CSMD1: variants seen among roughly 807,000 people sequenced by gnomAD.
CSMD1 encodes CUB and Sushi multiple domains 1, also known as CUB and sushi domain-containing protein 1.
A neutral mutation model predicts 417.5 loss-of-function variants in CSMD1; 213 were observed. The observed-to-expected ratio is 0.51, with a 90% CI of 0.46 to 0.57. The LOEUF is 0.57. CSMD1 is among the 20% of genes least tolerant of loss of function. The pLI is 0.00. For synonymous variants in CSMD1, 2,862 were observed against 1,736.8 expected (o/e 1.65, Z -16.11); for missense variants, 6,923 against 4,529.7 (o/e 1.53, Z -15.17).
intron 2 of CSMD1, among the ~76,000 whole-genome samples, chr8:4,559,591 C>G (rs148946985): frequency 6.6e-6 from 1 of 152,238 alleles, no homozygotes; most frequent in East Asian, 1.9e-4. Context: ...TACATAATTA[C>G]CCCAATGTTG....
intron 50 of CSMD1, among the ~76,000 whole-genome samples, chr8:3,051,600 G>GT (rs970497275): frequency 4.0e-4 from 60 of 151,554 alleles, no homozygotes; most frequent in African/African-American, 1.3e-3. Flanking sequence ...CTAAAATAAA[G>GT]TTTTTTTTTA....
intron 5 of CSMD1, among the ~76,000 whole-genome samples, chr8:3,793,743 G>C (rs1445975749): frequency 6.6e-6 from 1 of 152,004 alleles, no homozygotes; most frequent in Non-Finnish European, 1.5e-5. Context: ...ATTTTCGTAG[G>C]ATCTCTCTGG....
chr8:4,813,173 C>CA (rs1744405263), intron 1 of CSMD1, among the ~76,000 whole-genome samples: 1 of 152,182 alleles, frequency 6.6e-6, no homozygotes, highest in South Asian at 2.1e-4. Context: ...CTAATGCATA[C>CA]ACTAAACGAA....
At chr8:4,121,924 C>G (rs948772662) in intron 3 of CSMD1, among the ~76,000 whole-genome samples, 1 of 151,900 alleles carries the variant, frequency 6.6e-6, no homozygotes, top group Non-Finnish European at 1.5e-5. Flanking sequence ...ACATCACACT[C>G]CCTGATTTTA....
intron 21 of CSMD1, among the ~76,000 whole-genome samples, chr8:3,350,179 TA>T (rs1808320947): frequency 7.9e-6 from 1 of 126,582 alleles, no homozygotes; most frequent in Admixed American, 8.5e-5. Context: ...ATACCTATAA[TA>T]ACCTATAACT....
chr8:4,484,324 T>C (rs1477998456), intron 2 of CSMD1, among the ~76,000 whole-genome samples: 3 of 152,162 alleles, frequency 2.0e-5, no homozygotes, highest in African/African-American at 7.2e-5. Context: ...GTTATCTGGA[T>C]TTAAAAAATT....
chr8:3,167,291 G>GAAAAAAAAAAAAAAAAAAAAA (rs61026104), intron 37 of CSMD1, among the ~76,000 whole-genome samples: 1 of 102,600 alleles, frequency 9.7e-6, no homozygotes, highest in Non-Finnish European at 2.1e-5. Context: ...CTTGGAAAAA[G>GAAAAAAAAAAAAAAAAAAAAA]AAAAAAAAAA....
chr8:3,534,015 A>G (rs1050255209), intron 10 of CSMD1, among the ~76,000 whole-genome samples: 1 of 152,148 alleles, frequency 6.6e-6, no homozygotes, highest in African/African-American at 2.4e-5. Flanking sequence ...CTTTTGCGGA[A>G]GAAGAATATT....
chr8:4,243,718 T>G (rs996158771), intron 3 of CSMD1, among the ~76,000 whole-genome samples: 2 of 152,188 alleles, frequency 1.3e-5, no homozygotes, highest in South Asian at 4.1e-4. Flanking sequence ...ACATCCATAA[T>G]CTGAGTCCAC....
chr8:4,144,179 T>C (rs1051925833), intron 3 of CSMD1, among the ~76,000 whole-genome samples: 10 of 151,022 alleles, frequency 6.6e-5, no homozygotes, highest in Admixed American at 5.9e-4. Flanking sequence ...ACAGCACGAA[T>C]TGGCCTTAGA....
chr8:4,535,538 G>C (rs548935220), intron 2 of CSMD1, among the ~76,000 whole-genome samples: 3 of 152,032 alleles, frequency 2.0e-5, no homozygotes, highest in Admixed American at 6.6e-5. Context: ...TTTTTATCTT[G>C]TAACAGTAAG....
At chr8:4,945,425 A>T (rs146584600) in intron 1 of CSMD1, among the ~76,000 whole-genome samples, 1 of 152,220 alleles carries the variant, frequency 6.6e-6, no homozygotes, top group East Asian at 1.9e-4. Context: ...TTTTTACCGC[A>T]ATTTAAAAAA....
At chr8:4,427,375 C>A (rs537993438) in intron 2 of CSMD1, among the ~76,000 whole-genome samples, 3 of 152,142 alleles carry the variant, frequency 2.0e-5, no homozygotes, top group Admixed American at 2.0e-4. Context: ...GATCTGGAAC[C>A]AGGTGCTTTA....
chr8:4,218,931 A>G lies in CSMD1; in HGVS notation c.416-186832T>C, dbSNP rs144055374. Among the ~76,000 whole-genome samples, 439 of 152,322 alleles carry G rather than the reference A, an allele frequency of 2.9e-3. 3 individuals are homozygous for G. Among genetic ancestry groups the G allele is most frequent in the African/African-American group, 9.8e-3 (406 of 41,572 alleles). ...ATTTTGGATCTGAACCCTTGGGGTC[A>G]TTCTCTGAGCAATGCTATTTTTTCC... On this transcript the variant is annotated intron_variant, in intron 3 of 69. Coordinates refer to ENST00000635120, the MANE Select transcript of CSMD1 (RefSeq NM_033225.6).
At chr8:3,920,808 C>T (rs1178605644) in intron 5 of CSMD1, among the ~76,000 whole-genome samples, 2 of 152,070 alleles carry the variant, frequency 1.3e-5, no homozygotes, top group Non-Finnish European at 2.9e-5. Context: ...AACCTTGCAT[C>T]CCAGCGATAA....
chr8:3,343,218 A>G, intron 23 of CSMD1, 76 bp downstream of exon 23: 1 of 1,305,830 alleles, frequency 7.7e-7, no homozygotes, highest in Non-Finnish European at 1.1e-6. Context: ...CAATATTTAA[A>G]ACTTAATATA....
chr8:4,109,001 G>T (rs561972079), intron 3 of CSMD1, among the ~76,000 whole-genome samples: 1 of 152,110 alleles, frequency 6.6e-6, no homozygotes, highest in East Asian at 1.9e-4. Context: ...GAAAGGATTG[G>T]TTTCAGGACC....
At chr8:4,648,629 A>G (rs1389532307) in intron 1 of CSMD1, among the ~76,000 whole-genome samples, 3 of 152,198 alleles carry the variant, frequency 2.0e-5, no homozygotes, top group Admixed American at 6.5e-5. Context: ...CATGATGCAT[A>G]TCACCATTTA....
At chr8:4,506,755 A>C (rs148403959) in intron 2 of CSMD1, among the ~76,000 whole-genome samples, 24 of 152,330 alleles carry the variant, frequency 1.6e-4, no homozygotes, top group Non-Finnish European at 1.5e-5. Flanking sequence ...ATATGGTTAA[A>C]TAAGCATAAA....
Sources: allele counts gnomAD v4.1 joint callset (sites outside exome capture counted in the v4.1 genomes callset), GRCh38; gene constraint gnomAD v4.1.1; transcripts MANE v1.5; gene names NCBI Gene and HGNC (gene_info 2026-07-23, HGNC 2026-07-21).